Variants in UHRF1 observed in about 807,000 individuals in gnomAD.
The protein encoded by UHRF1 is ubiquitin like with PHD and ring finger domains 1.
UHRF1 carries 9 observed loss-of-function variants against 96.5 expected under a neutral mutation model. The ratio of observed to expected loss-of-function variants is 0.09; its 90% CI spans 0.06 to 0.16. UHRF1 has a LOEUF of 0.16. Ranked by LOEUF, UHRF1 falls within the 10% of genes least tolerant of loss-of-function variation. UHRF1 has a pLI of 1.00. For synonymous variants in UHRF1, 455 were observed against 469.9 expected (o/e 0.97, Z 0.41); for missense variants, 626 against 1,131.1 (o/e 0.55, Z 6.40).
rs572585954 is a variant in UHRF1 at position 4,917,700 on chromosome 19, C to T, written c.153+6662C>T. 6.0e-5 allele frequency among the ~76,000 whole-genome samples: 9 copies of T among 151,032 alleles called. No homozygotes were observed. In the East Asian group the frequency reaches 1.8e-3, roughly 30 times the overall value. On this transcript the variant is annotated intron_variant, in intron 2 of 16. Coordinates refer to ENST00000650932, the MANE Select transcript of UHRF1 (RefSeq NM_001048201.3). ...AAAGAGACAAGGTCTTGCTGTCGTC[C>T]AGGCTGGAGTGCAGCGGCGTGATCA...
chr19:4,904,829 A>G (rs1329452339), upstream of UHRF1, among the ~76,000 whole-genome samples: 1 of 152,196 alleles, frequency 6.6e-6, no homozygotes, highest in Non-Finnish European at 1.5e-5. Flanking sequence ...AGGGAAACTG[A>G]AGCCCTTTGC....
rs1211115672 is a variant in UHRF1, at chr19:4,930,785, A to G, written c.478A>G (p.Thr160Ala). 5.0e-6 allele frequency: 8 copies of G among 1,613,774 alleles called. No individual in the cohort carries two copies. The Admixed American group carries it at 6.7e-5, about 13-fold the overall frequency. ...GTTTGAGGCGCAGGTGGTCAGGGTG[A>G]CGCGGAAGGCCCCCTCCCGGGACGA... ...AWFEAQVVRVTRKAPSRDEPC... is the reference protein window; with the variant it reads ...AWFEAQVVRVARKAPSRDEPC... The change falls in exon 4 of 17, where the codon ACG (threonine) becomes GCG (alanine). Residue 160 changes from threonine (T) to alanine (A), a missense_variant. Around this residue, in one of 11 missense-constraint regions of UHRF1, gnomAD observed 198 missense variants for 235.1 expected, o/e 0.84. Coordinates refer to ENST00000650932, the MANE Select transcript of UHRF1 (RefSeq NM_001048201.3). This position sits in a 1 kb window ranked among gnomAD's most constrained non-coding sequence, Gnocchi z 4.4.
intron 2 of UHRF1, among the ~76,000 whole-genome samples, chr19:4,922,879 G>A (rs530929601): frequency 3.9e-5 from 6 of 152,160 alleles, no homozygotes; most frequent in Admixed American, 6.5e-5. Flanking sequence ...CGTAGCCCAC[G>A]CTAAGCAGGG....
At position 4,927,306 on chromosome 19, in the gene UHRF1, G is replaced by T. The variant is rs2032902685; in HGVS notation, c.154-1916G>T. The stretch of plus-strand genomic sequence containing the variant: ...TGAGGCACAAGAATCGCTTGAACCT[G>T]GGAGGTGGAGATTGCAGTGAGCTGA... On this transcript the variant is annotated intron_variant, in intron 2 of 16. Coordinates refer to ENST00000650932, the MANE Select transcript of UHRF1 (RefSeq NM_001048201.3). 2.7e-5 allele frequency among the ~76,000 whole-genome samples: 4 copies of T among 149,954 alleles called. No homozygotes were observed. The South Asian group carries it at 6.3e-4, about 24-fold the overall frequency.
intron 2 of UHRF1, among the ~76,000 whole-genome samples, chr19:4,928,364 G>A (rs2032938814): frequency 6.6e-6 from 1 of 151,974 alleles, no homozygotes; most frequent in South Asian, 2.1e-4. Flanking sequence ...ACCGGGAGAG[G>A]GTCCTTGTTG....
At chr19:4,910,323 C>A (rs1391946086) in intron 1 of UHRF1, 1 of 108,706 alleles carries the variant, frequency 9.2e-6, no homozygotes, top group South Asian at 2.7e-4. Flanking sequence ...GGGGCGGGCC[C>A]GGTCGCGCAC....
chr19:4,932,637 C>G (rs1369559979), intron 4 of UHRF1, 104 bp from the exon 5 acceptor site: 1 of 1,243,820 alleles, frequency 8.0e-7, no homozygotes, highest in East Asian at 2.4e-5. Context: ...TGGGAGGGGC[C>G]TCTGCACACT....
chr19:4,942,253 C>T (rs1372525312), intron 7 of UHRF1, among the ~76,000 whole-genome samples: 2 of 151,778 alleles, frequency 1.3e-5, no homozygotes, highest in African/African-American at 2.4e-5. Context: ...TGCAGTGGCG[C>T]GATCTCAGCT....
At chr19:4,927,423 A>C (rs775307033) in intron 2 of UHRF1, among the ~76,000 whole-genome samples, 1 of 151,120 alleles carries the variant, frequency 6.6e-6, no homozygotes, top group African/African-American at 2.4e-5. Flanking sequence ...GGAAAAGATG[A>C]GTCAGCCTTT....
chr19:4,960,861 C>G lies in UHRF1; in HGVS notation c.*58C>G. On this transcript the variant is annotated 3_prime_UTR_variant, in exon 17 of 17. Transcript: ENST00000650932. ...AAAACGTGTCGGAGGGCTCGTTCAT[C>G]GGCACTGATTTTGTTCTTAGTGGGC... 1 of 969,752 alleles carries G rather than the reference C, an allele frequency of 1.0e-6. No individual in the cohort carries two copies. Among genetic ancestry groups the G allele is most frequent in the East Asian group, 2.7e-5 (1 of 37,254 alleles). The allele number at this position is 969,752 out of a possible 1,614,324, so 60.1% of individuals were successfully genotyped here.
At chr19:4,959,086 A>C (rs1030142899) in intron 16 of UHRF1, among the ~76,000 whole-genome samples, 2 of 151,482 alleles carry the variant, frequency 1.3e-5, no homozygotes, top group Admixed American at 6.6e-5. Flanking sequence ...GGCTAAAGAG[A>C]TCCTCCTGCC....
chr19:4,921,090 C>T (rs1376052519), intron 2 of UHRF1, among the ~76,000 whole-genome samples: 2 of 150,962 alleles, frequency 1.3e-5, no homozygotes. Context: ...TGCCACTGCA[C>T]TCCAGCCTGG....
chr19:4,924,992 A>G (rs1223788945), intron 2 of UHRF1, among the ~76,000 whole-genome samples: 1 of 151,622 alleles, frequency 6.6e-6, no homozygotes, highest in Non-Finnish European at 1.5e-5. Flanking sequence ...ACGCCTGGCT[A>G]ATTTTTGTAT....
intron 5 of UHRF1, among the ~76,000 whole-genome samples, chr19:4,941,080 GTTTTGTT>G (rs1047019798): frequency 4.4e-5 from 5 of 112,842 alleles, no homozygotes; most frequent in African/African-American, 1.1e-4. Flanking sequence ...TGGTTTCTGT[GTTTTGTT>G]TTTTTTTTTT....
chr19:4,951,042 G>T, intron 13 of UHRF1, 46 bp downstream of exon 13: 1 of 1,530,944 alleles, frequency 6.5e-7, no homozygotes, highest in Non-Finnish European at 8.8e-7. Context: ...CAAGGCGGAT[G>T]GATCACTTAC....
At chr19:4,917,382 G>C (rs1054597542) in intron 2 of UHRF1, among the ~76,000 whole-genome samples, 1 of 151,640 alleles carries the variant, frequency 6.6e-6, no homozygotes, top group African/African-American at 2.4e-5. Flanking sequence ...AAGGCCGGGC[G>C]TGGTGGCTTA....
chr19:4,933,957 T>TG (rs1316903448), intron 5 of UHRF1, among the ~76,000 whole-genome samples: 1 of 97,706 alleles, frequency 1.0e-5, no homozygotes, highest in African/African-American at 3.5e-5. Flanking sequence ...CCTTGCCTCT[T>TG]TGTGTGTGTG....
At chr19:4,932,981 C>G in intron 5 of UHRF1, 25 bp downstream of exon 5, 1 of 1,570,744 alleles carries the variant, frequency 6.4e-7, no homozygotes. Flanking sequence ...CTGGGGCGAG[C>G]CCTTCCTCTC....
chr19:4,939,578 G>A (rs369709610), intron 5 of UHRF1, among the ~76,000 whole-genome samples: 1 of 152,100 alleles, frequency 6.6e-6, no homozygotes, highest in African/African-American at 2.4e-5. Context: ...TATCCAGACT[G>A]TAGAGATGAC....
Sources: gnomAD v4.1 joint callset for allele counts (sites outside exome capture counted in the v4.1 genomes callset) on GRCh38, gnomAD v4.1.1 for gene constraint, gnomAD v4.1.1 regional missense constraint, Gnocchi (gnomAD v3.1) non-coding constraint, MANE v1.5 for transcripts, NCBI Gene and HGNC (gene_info 2026-07-23, HGNC 2026-07-21) for gene names.